The following UNC13B variants were observed in gnomAD, a reference collection of about 807,000 sequenced individuals.
The protein encoded by UNC13B is unc-13 homolog B.
In UNC13B, 144 loss-of-function variants were observed where a neutral mutation model predicts 211.0. The observed-to-expected ratio is 0.68, with a 90% confidence interval of 0.60 to 0.78. The LOEUF (loss-of-function observed/expected upper bound fraction) is 0.78. Among genes scored for constraint, UNC13B ranks in the 30% least tolerant of loss-of-function variants. The pLI is 0.00. For synonymous variants in UNC13B, 709 were observed against 725.8 expected, an observed-to-expected ratio of 0.98 and a Z score of 0.37; for missense variants, 1,777 against 2,002.0, an observed-to-expected ratio of 0.89 and a Z score of 2.14.
At chr9:35,218,350 G>A (rs1326818922) in intron 1 of UNC13B, among the ~76,000 whole-genome samples, 1 of 151,896 alleles carries the variant, frequency 6.6e-6, no homozygotes, top group Non-Finnish European at 1.5e-5. Flanking sequence ...CTCTTATTTG[G>A]TGTGAGTCTA....
intron 25 of UNC13B, among the ~76,000 whole-genome samples, chr9:35,390,379 A>G (rs975369264): frequency 6.6e-6 from 1 of 152,162 alleles, no homozygotes; most frequent in African/African-American, 2.4e-5. Context: ...TCTACCTCTC[A>G]ATTCCCTGCC....
intron 7 of UNC13B, among the ~76,000 whole-genome samples, chr9:35,293,106 C>T (rs1210400227): frequency 6.6e-6 from 1 of 152,160 alleles, no homozygotes; most frequent in Non-Finnish European, 1.5e-5. Flanking sequence ...TCCTTTGTCT[C>T]ACTTTATTCC....
chr9:35,310,876 AGCTG>A, intron 10 of UNC13B, 95 bp downstream of exon 10: 2 of 1,257,628 alleles, frequency 1.6e-6, no homozygotes, highest in East Asian at 5.0e-5. Flanking sequence ...GTTTCCCTGC[AGCTG>A]GGTATGGTGG....
At chr9:35,394,745 A>G (rs1393391245) in intron 26 of UNC13B, among the ~76,000 whole-genome samples, 1 of 152,154 alleles carries the variant, frequency 6.6e-6, no homozygotes, top group Non-Finnish European at 1.5e-5. Flanking sequence ...GCAGGAGGTT[A>G]TGGATTGGCC....
At chr9:35,243,446 A>G (rs573652473) in intron 6 of UNC13B, 82 bp downstream of exon 6, 1 of 1,393,364 alleles carries the variant, frequency 7.2e-7, no homozygotes, top group Admixed American at 1.8e-5. Context: ...GAGGGGCCCA[A>G]GAGCATGTTG....
In UNC13B at chr9:35,301,452, A is replaced by G. The variant is rs903986002; in HGVS notation, c.2048A>G (p.Glu683Gly). The change falls in exon 9 of 40, where the codon GAA (glutamate) becomes GGA (glycine). Residue 683 changes from glutamate to glycine, a missense_variant. Physicochemically the swap from Glu to Gly is moderately conservative, Grantham distance 98. Coordinates refer to ENST00000635942, the MANE Select transcript of UNC13B (RefSeq NM_001371189.2). ...DDDQSKPPRK[E>G]SFVECGLELN... ...GACCAGAGTAAGCCACCAAGAAAAG[A>G]AAGCTTTGTTGAGTGTGGTTTGGAG... is the stretch of plus-strand genomic sequence containing the variant. 2.3e-5 allele frequency: 9 copies of G among 398,716 alleles called. No individual in the cohort carries two copies. The highest frequency in any genetic ancestry group is 4.0e-5 in the Non-Finnish European group (9 of 225,950). 24.7% of individuals were successfully genotyped at this position (398,716 alleles called of 1,614,324 possible).
intron 9 of UNC13B, among the ~76,000 whole-genome samples, chr9:35,309,259 GTGTGTA>G (rs1830071916): frequency 7.5e-6 from 1 of 133,862 alleles, no homozygotes. Flanking sequence ...GTGTGTGTGT[GTGTGTA>G]TACTTATGTA....
intron 1 of UNC13B, among the ~76,000 whole-genome samples, chr9:35,182,721 T>C (rs1173840070): frequency 6.6e-6 from 1 of 152,184 alleles, no homozygotes; most frequent in Non-Finnish European, 1.5e-5. Flanking sequence ...AAGCACATCT[T>C]GCACCGCCCT....
At position 35,299,884 on chromosome 9, in the gene UNC13B, T is replaced by C. The variant is rs181455436; in HGVS notation, c.762-282T>C. Among the ~76,000 whole-genome samples the C allele has an allele frequency of 5.2e-4, 79 of 152,276 alleles. No individual in the cohort carries two copies. The East Asian group carries it at 0.015, about 29-fold the overall frequency. ...TCAGACAAGGCTCACAGGCTAAAGATGAAAAAATTAGGATTATTTCAGCTT... is the reference window on the plus strand; with the variant it reads ...TCAGACAAGGCTCACAGGCTAAAGACGAAAAAATTAGGATTATTTCAGCTT... On this transcript the variant is annotated intron_variant, in intron 8 of 39. Coordinates refer to ENST00000635942, the MANE Select transcript of UNC13B (RefSeq NM_001371189.2).
intron 11 of UNC13B, among the ~76,000 whole-genome samples, chr9:35,348,690 G>A (rs188590340): frequency 2.4e-4 from 36 of 152,282 alleles, no homozygotes; most frequent in African/African-American, 8.4e-4. Flanking sequence ...TTACAGTTTA[G>A]TAAGTACAGT....
intron 1 of UNC13B, among the ~76,000 whole-genome samples, chr9:35,209,295 C>T (rs1433544513): frequency 2.6e-5 from 4 of 152,144 alleles, no homozygotes; most frequent in African/African-American, 7.2e-5. Context: ...ATCTCCTGAC[C>T]TCAAGTGATC....
chr9:35,187,019 T>A (rs1049809363), intron 1 of UNC13B, among the ~76,000 whole-genome samples: 19 of 152,332 alleles, frequency 1.2e-4, no homozygotes, highest in South Asian at 6.2e-4. Flanking sequence ...TTATCTCTGC[T>A]ATTAGGATAA....
chr9:35,297,838 C>T (rs1243021009), intron 8 of UNC13B, among the ~76,000 whole-genome samples: 1 of 152,046 alleles, frequency 6.6e-6, no homozygotes, highest in Non-Finnish European at 1.5e-5. Flanking sequence ...CGTGAGCCAC[C>T]GCGCCCGGCC....
chr9:35,378,270 C>A, intron 16 of UNC13B, 25 bp from the exon 17 acceptor site: 1 of 1,613,760 alleles, frequency 6.2e-7, no homozygotes, highest in African/African-American at 1.3e-5. Flanking sequence ...GACTCTGAAG[C>A]CTCCTATACA....
intron 1 of UNC13B, among the ~76,000 whole-genome samples, chr9:35,184,838 A>G: frequency 1.0e-5 from 1 of 95,386 alleles, no homozygotes; most frequent in African/African-American, 4.2e-5. Context: ...AGAGAGGAGA[A>G]AGAAAGAAAG....
At chr9:35,379,934 G>T (rs1391522351) in intron 17 of UNC13B, among the ~76,000 whole-genome samples, 1 of 152,154 alleles carries the variant, frequency 6.6e-6, no homozygotes, top group Non-Finnish European at 1.5e-5. Context: ...AAGCAAACCC[G>T]ATAGACGAGA....
At chr9:35,377,075 G>A (rs1834467529) in intron 15 of UNC13B, among the ~76,000 whole-genome samples, 1 of 152,214 alleles carries the variant, frequency 6.6e-6, no homozygotes, top group African/African-American at 2.4e-5. Context: ...AGACCCACAA[G>A]TACTTCATTA....
Position 35,341,870 on chromosome 9 carries a change from G to A in UNC13B, c.9415-25077G>A, listed in dbSNP as rs560440038. 7.8e-4 allele frequency: 732 copies of A among 943,368 alleles called. 1 individual carries two copies. The highest frequency in any genetic ancestry group is 8.7e-4 in the Non-Finnish European group (692 of 791,192). 58.4% of individuals were successfully genotyped at this position (943,368 alleles called of 1,614,324 possible). A position where few individuals can be genotyped will look rare whatever the true frequency, so the allele number is the denominator to read the frequency against. ...GAGAGGAGGAGGAGCAGCAGCAGGA[G>A]CAGGAGCTGCCCTGCTTTCTGCCTC... On this transcript the variant is annotated intron_variant, in intron 11 of 39. Transcript: ENST00000635942.
intron 11 of UNC13B, among the ~76,000 whole-genome samples, chr9:35,317,970 A>T (rs756268288): frequency 6.6e-6 from 1 of 152,154 alleles, no homozygotes; most frequent in Non-Finnish European, 1.5e-5. Flanking sequence ...AGCCTTATCC[A>T]TGTAAAAGGA....
Sources: allele counts gnomAD v4.1 joint callset (sites outside exome capture counted in the v4.1 genomes callset), GRCh38; gene constraint gnomAD v4.1.1; transcripts MANE v1.5; gene names NCBI Gene and HGNC (gene_info 2026-07-23, HGNC 2026-07-21).